C1QTNF3: variants seen among roughly 807,000 people sequenced by gnomAD.
C1QTNF3 encodes complement C1q tumor necrosis factor-related protein 3.
A neutral mutation model predicts 32.6 loss-of-function variants in C1QTNF3; 26 were observed. That is an observed-to-expected ratio of 0.80 (90% confidence interval 0.58 to 1.11). The LOEUF (loss-of-function observed/expected upper bound fraction) is 1.11. Ranked by LOEUF, C1QTNF3 falls within the 50% of genes least tolerant of loss-of-function variation. The pLI, the probability that C1QTNF3 is intolerant of heterozygous loss-of-function variation, is 0.00. For synonymous variants in C1QTNF3, 155 were observed against 146.0 expected (o/e 1.06, Z -0.44); for missense variants, 362 against 398.2 (o/e 0.91, Z 0.77).
At chr5:34,213,786 C>CATATATATAT in the C1QTNF3 span, among the ~76,000 whole-genome samples, 130 of 15,434 alleles carry the variant, frequency 8.4e-3, 6 homozygotes, top group South Asian at 0.015. Flanking sequence ...TGTATATATA[C>CATATATATAT]ATATATATAT....
chr5:34,038,419 A>G (rs933924426), intron 1 of C1QTNF3, among the ~76,000 whole-genome samples: 1 of 152,150 alleles, frequency 6.6e-6, no homozygotes, highest in Non-Finnish European at 1.5e-5. Context: ...AAGAGCTATC[A>G]CAGGGAAAAC....
chr5:34,114,524 T>C, the C1QTNF3 span, among the ~76,000 whole-genome samples: 7 of 152,194 alleles, frequency 4.6e-5, no homozygotes, highest in Non-Finnish European at 8.8e-5. Context: ...TTTCTGGGAC[T>C]TATATTTTCC....
intron 1 of C1QTNF3, among the ~76,000 whole-genome samples, chr5:34,040,534 G>A (rs1179038916): frequency 6.6e-6 from 1 of 152,016 alleles, no homozygotes; most frequent in Non-Finnish European, 1.5e-5. Context: ...AAGAGCCCAG[G>A]TCTGCCCACC....
chr5:34,162,529 T>C, the C1QTNF3 span, among the ~76,000 whole-genome samples: 1 of 152,198 alleles, frequency 6.6e-6, no homozygotes, highest in Non-Finnish European at 1.5e-5. Flanking sequence ...TGTCTAGCTC[T>C]GAATTACTAG....
At chr5:34,134,980 G>C in the C1QTNF3 span, among the ~76,000 whole-genome samples, 1 of 152,174 alleles carries the variant, frequency 6.6e-6, no homozygotes, top group African/African-American at 2.4e-5. Flanking sequence ...TGGTGAGAGA[G>C]GGCATCCTTG....
the C1QTNF3 span, among the ~76,000 whole-genome samples, chr5:34,153,795 A>G: frequency 2.6e-5 from 3 of 113,530 alleles, no homozygotes; most frequent in Non-Finnish European, 3.6e-5. Context: ...AGCATGGCAC[A>G]TGTATACATA....
the C1QTNF3 span, among the ~76,000 whole-genome samples, chr5:34,145,052 C>G: frequency 6.6e-6 from 1 of 152,076 alleles, no homozygotes; most frequent in African/African-American, 2.4e-5. Flanking sequence ...TTGCTTGAAC[C>G]CGGGAGGCAG....
chr5:34,165,069 C>T, the C1QTNF3 span: 1 of 152,120 alleles, frequency 6.6e-6, no homozygotes, highest in African/African-American at 2.4e-5. Flanking sequence ...TAGGAAAGCT[C>T]GCTCTCTCCT....
At chr5:34,111,865 T>C in the C1QTNF3 span, among the ~76,000 whole-genome samples, 1 of 152,180 alleles carries the variant, frequency 6.6e-6, no homozygotes, top group South Asian at 2.1e-4. Context: ...ATAAGGGGTA[T>C]TGCTGTCCTG....
the C1QTNF3 span, among the ~76,000 whole-genome samples, chr5:34,223,018 G>C: frequency 6.6e-6 from 1 of 151,752 alleles, no homozygotes; most frequent in Non-Finnish European, 1.5e-5. Flanking sequence ...TTTAAAAAAT[G>C]TTATTTTCTT....
At chr5:34,141,561 C>T in the C1QTNF3 span, among the ~76,000 whole-genome samples, 2 of 152,170 alleles carry the variant, frequency 1.3e-5, no homozygotes, top group African/African-American at 4.8e-5. Context: ...TGATAGTAGC[C>T]ATCATCTCAG....
the C1QTNF3 span, among the ~76,000 whole-genome samples, chr5:34,207,138 G>T: frequency 6.6e-6 from 1 of 151,920 alleles, no homozygotes; most frequent in Non-Finnish European, 1.5e-5. Context: ...AATCTGTGAG[G>T]CTAATGAGAA....
chr5:34,091,258 C>T, the C1QTNF3 span, among the ~76,000 whole-genome samples: 1 of 152,386 alleles, frequency 6.6e-6, no homozygotes, highest in African/African-American at 2.4e-5. Flanking sequence ...GTCTGTAGAG[C>T]GGCCCCACCT....
chr5:34,223,285 T>G, the C1QTNF3 span, among the ~76,000 whole-genome samples: 353 of 151,150 alleles, frequency 2.3e-3, no homozygotes, highest in African/African-American at 8.3e-3. Flanking sequence ...TTTTTTGTCC[T>G]TGTGATAGTT....
At chr5:34,054,636 A>G in the C1QTNF3 span, among the ~76,000 whole-genome samples, 2 of 152,238 alleles carry the variant, frequency 1.3e-5, no homozygotes, top group African/African-American at 2.4e-5. Flanking sequence ...CTGAATTATG[A>G]AAGAGATTGT....
upstream of C1QTNF3, among the ~76,000 whole-genome samples, chr5:34,047,297 G>A (rs1318595324): frequency 2.0e-5 from 3 of 152,244 alleles, no homozygotes; most frequent in Admixed American, 2.0e-4. Flanking sequence ...CAGCAGAGGT[G>A]CAGATGCATA....
chr5:34,172,302 A>G, the C1QTNF3 span, among the ~76,000 whole-genome samples: 1 of 152,124 alleles, frequency 6.6e-6, no homozygotes. Flanking sequence ...TTTATAATGT[A>G]CTGTAATAAA....
At chr5:34,115,527 G>A in the C1QTNF3 span, among the ~76,000 whole-genome samples, 1 of 151,968 alleles carries the variant, frequency 6.6e-6, no homozygotes, top group Non-Finnish European at 1.5e-5. Flanking sequence ...TCAGGAGATC[G>A]AGACCATCCT....
the C1QTNF3 span, among the ~76,000 whole-genome samples, chr5:34,143,496 C>T: frequency 6.6e-6 from 1 of 152,054 alleles, no homozygotes; most frequent in African/African-American, 2.4e-5. Flanking sequence ...CCAAGGTCAA[C>T]ACAAAAGGAA....
Sources: allele counts gnomAD v4.1 joint callset (sites outside exome capture counted in the v4.1 genomes callset), GRCh38; gene constraint gnomAD v4.1.1; transcripts MANE v1.5; gene names NCBI Gene and HGNC (gene_info 2026-07-23, HGNC 2026-07-21).